The following AP1S3 variants were observed in gnomAD, a reference collection of about 807,000 sequenced individuals.
AP1S3 encodes adaptor related protein complex 1 subunit sigma 3.
A neutral mutation model predicts 20.9 loss-of-function variants in AP1S3; 10 were observed. The observed-to-expected ratio is 0.48, with a 90% CI of 0.29 to 0.81. The LOEUF (loss-of-function observed/expected upper bound fraction) is 0.81, where lower values mean the gene tolerates loss of function less well. AP1S3 is among the 30% of genes least tolerant of loss of function. The pLI is 0.08. For missense variants in AP1S3, 154 were observed against 183.8 expected, an observed-to-expected ratio of 0.84 and a Z score of 0.94; for synonymous variants, 41 against 61.5, an observed-to-expected ratio of 0.67 and a Z score of 1.56.
At chr2:223,769,182 A>T (rs557150669) in intron 3 of AP1S3, among the ~76,000 whole-genome samples, 33 of 152,308 alleles carry the variant, frequency 2.2e-4, no homozygotes, top group African/African-American at 7.5e-4. Flanking sequence ...ATTCTAAATG[A>T]TGCTGCCATA....
chr2:223,835,655 G>T lies in AP1S3; in HGVS notation c.3+1793C>A, dbSNP rs565938227. ...GGGTGACAGAGCAAGATTCCGTCTC[G>T]AAGAAAAAAAAATAATAATAATGTT... On this transcript the variant is annotated intron_variant, in intron 1 of 4. Coordinates refer to ENST00000396654, the MANE Select transcript of AP1S3 (RefSeq NM_001039569.2). Among the ~76,000 whole-genome samples, 8 of 151,662 alleles carry T rather than the reference G, an allele frequency of 5.3e-5. No homozygotes were observed. The East Asian group carries it at 1.4e-3, about 26-fold the overall frequency.
intron 3 of AP1S3, among the ~76,000 whole-genome samples, chr2:223,771,449 T>C (rs1475340164): frequency 6.6e-6 from 1 of 152,252 alleles, no homozygotes; most frequent in Admixed American, 6.5e-5. Context: ...CTTCTAATTA[T>C]GCAAATACCC....
intron 1 of AP1S3, among the ~76,000 whole-genome samples, chr2:223,831,656 A>G (rs1025372295): frequency 1.3e-5 from 2 of 152,222 alleles, no homozygotes; most frequent in Non-Finnish European, 2.9e-5. Flanking sequence ...TGAGAGAGAA[A>G]AAGACAGGCC....
At chr2:223,799,377 C>G (rs142334959) in intron 1 of AP1S3, among the ~76,000 whole-genome samples, 52 of 152,244 alleles carry the variant, frequency 3.4e-4, no homozygotes, top group African/African-American at 1.3e-3. Flanking sequence ...TTGAGAGTTC[C>G]TAGAAGAAAC....
At chr2:223,814,344 T>C (rs1369350140) in intron 1 of AP1S3, among the ~76,000 whole-genome samples, 1 of 152,210 alleles carries the variant, frequency 6.6e-6, no homozygotes, top group Non-Finnish European at 1.5e-5. Context: ...TCTCTGCCTT[T>C]CACGTTCTGT....
At chr2:223,775,857 G>C (rs534677013) in intron 3 of AP1S3, 44 bp downstream of exon 3, 4 of 1,432,926 alleles carry the variant, frequency 2.8e-6, no homozygotes, top group African/African-American at 1.4e-5. Context: ...TAAGAGCTGA[G>C]ATGGGGACTG....
intron 1 of AP1S3, among the ~76,000 whole-genome samples, chr2:223,825,574 C>A (rs1025120808): frequency 2.0e-5 from 3 of 152,170 alleles, no homozygotes; most frequent in African/African-American, 7.2e-5. Flanking sequence ...TATAATTTAA[C>A]AACATACTTC....
At chr2:223,798,026 C>G (rs555235030) in intron 1 of AP1S3, among the ~76,000 whole-genome samples, 3 of 152,140 alleles carry the variant, frequency 2.0e-5, no homozygotes, top group Non-Finnish European at 4.4e-5. Flanking sequence ...ATATCTCAGC[C>G]GAATATTACT....
At chr2:223,832,726 G>A (rs1299307877) in intron 1 of AP1S3, among the ~76,000 whole-genome samples, 2 of 151,878 alleles carry the variant, frequency 1.3e-5, no homozygotes, top group African/African-American at 4.8e-5. Context: ...AGGACCTACA[G>A]GTTCATAGTT....
intron 1 of AP1S3, among the ~76,000 whole-genome samples, chr2:223,817,545 T>A (rs1574724234): frequency 6.7e-6 from 1 of 148,390 alleles, no homozygotes; most frequent in Non-Finnish European, 1.5e-5. Flanking sequence ...GAGGTGGAGG[T>A]TGCAGTGAGC....
At chr2:223,793,339 T>G (rs529434069) in intron 1 of AP1S3, among the ~76,000 whole-genome samples, 1 of 152,314 alleles carries the variant, frequency 6.6e-6, no homozygotes, top group East Asian at 1.9e-4. Context: ...CTATCAATGA[T>G]AGACTGCACT....
chr2:223,824,794 C>CA (rs1057136830), intron 1 of AP1S3, among the ~76,000 whole-genome samples: 3 of 152,178 alleles, frequency 2.0e-5, no homozygotes, highest in Non-Finnish European at 4.4e-5. Context: ...CACGGCCTCC[C>CA]AAAGTGCTGG....
At chr2:223,770,622 T>C (rs550927340) in intron 3 of AP1S3, among the ~76,000 whole-genome samples, 1 of 152,090 alleles carries the variant, frequency 6.6e-6, no homozygotes, top group African/African-American at 2.4e-5. Flanking sequence ...ACTGAGCAAC[T>C]ATTTCACATA....
intron 1 of AP1S3, among the ~76,000 whole-genome samples, chr2:223,819,908 T>A (rs1361721407): frequency 7.1e-6 from 1 of 139,894 alleles, no homozygotes; most frequent in Non-Finnish European, 1.5e-5. Context: ...TCAGGATAAA[T>A]GGGATTTAAA....
At chr2:223,791,245 G>C (rs984842528) in intron 1 of AP1S3, among the ~76,000 whole-genome samples, 5 of 152,058 alleles carry the variant, frequency 3.3e-5, no homozygotes, top group African/African-American at 1.2e-4. Flanking sequence ...AAACACATCA[G>C]GACAATATCC....
intron 1 of AP1S3, among the ~76,000 whole-genome samples, chr2:223,802,806 C>CA (rs1008597426): frequency 3.4e-4 from 52 of 151,634 alleles, no homozygotes; most frequent in Admixed American, 7.2e-4. Context: ...TCACAGTTCT[C>CA]AAAAAAAATG....
intron 1 of AP1S3, among the ~76,000 whole-genome samples, chr2:223,825,695 T>C (rs1345546606): frequency 1.3e-5 from 2 of 151,998 alleles, no homozygotes; most frequent in Non-Finnish European, 2.9e-5. Context: ...GGGTTTTTTT[T>C]CCTATTAATA....
At chr2:223,760,464 T>C (rs1690328724) in intron 4 of AP1S3, among the ~76,000 whole-genome samples, 1 of 152,156 alleles carries the variant, frequency 6.6e-6, no homozygotes, top group African/African-American at 2.4e-5. Flanking sequence ...AATTCCAGAG[T>C]TCTGCCAGAA....
chr2:223,762,206 C>T (rs968115369), intron 4 of AP1S3, among the ~76,000 whole-genome samples: 1 of 149,952 alleles, frequency 6.7e-6, no homozygotes, highest in African/African-American at 2.5e-5. Flanking sequence ...CACCTGACCT[C>T]GTGATCCACC....
Sources: gnomAD v4.1 joint callset for allele counts (sites outside exome capture counted in the v4.1 genomes callset) on GRCh38, gnomAD v4.1.1 for gene constraint, MANE v1.5 for transcripts, NCBI Gene and HGNC (gene_info 2026-07-23, HGNC 2026-07-21) for gene names.